The following GEMIN5 variants were observed in gnomAD, a reference collection of about 807,000 sequenced individuals.
GEMIN5 encodes gem nuclear organelle associated protein 5.
Under a neutral mutation model 176.9 loss-of-function variants are expected in GEMIN5, and 124 were observed. The ratio of observed to expected loss-of-function variants is 0.70; its 90% CI spans 0.61 to 0.81. GEMIN5 has a LOEUF of 0.81. Among genes scored for constraint, GEMIN5 ranks in the 40% least tolerant of loss-of-function variants. The pLI is 0.00. For missense variants in GEMIN5, 1,843 were observed against 1,814.6 expected (o/e 1.02, Z -0.28); for synonymous variants, 673 against 665.2 (o/e 1.01, Z -0.18).
Position 154,898,574 on chromosome 5 carries a change from C to T in GEMIN5, c.3211G>A (p.Ala1071Thr). 1 of 1,614,188 alleles carries T rather than the reference C, an allele frequency of 6.2e-7. No homozygotes were observed. Among genetic ancestry groups the T allele is most frequent in the Non-Finnish European group, 8.5e-7 (1 of 1,180,024 alleles). Residue 1071 changes from alanine (A) to threonine (T), a missense_variant, in exon 23 of 28, where the codon GCT becomes ACT. By Grantham distance (58) the Ala-to-Thr change is moderately conservative. Coordinates refer to ENST00000285873, the MANE Select transcript of GEMIN5 (RefSeq NM_015465.5). ...KKGDAASLRT[A>T]AELAAIVGED... The stretch of plus-strand genomic sequence containing the variant: ...CCTACGATGGCAGCCAACTCTGCAG[C>T]CGTTCTAAGTGATGCCGCATCCCCC...
chr5:154,898,329 GC>G (rs1388495932), intron 23 of GEMIN5, 110 bp downstream of exon 23: 4 of 904,018 alleles, frequency 4.4e-6, no homozygotes, highest in Admixed American at 3.7e-5. Flanking sequence ...GGCTTGCTGG[GC>G]CTGCCAAATT....
rs1582653090 is a variant in GEMIN5 at position 154,898,547 on chromosome 5, C to T, written c.3238G>A (p.Glu1080Lys). ...TAAELAAIVG[E>K]DELSASLALR... The stretch of plus-strand genomic sequence containing the variant: ...GCCAGGGAAGCAGACAACTCATCCT[C>T]TCCTACGATGGCAGCCAACTCTGCA... The change falls in exon 23 of 28, where the codon GAG becomes AAG. Residue 1080 changes from glutamate (E) to lysine (K), a missense_variant. Coordinates refer to ENST00000285873, the MANE Select transcript of GEMIN5 (RefSeq NM_015465.5). 3.7e-6 allele frequency: 6 copies of T among 1,614,170 alleles called. No homozygotes were observed. The highest frequency in any genetic ancestry group is 5.1e-6 in the Non-Finnish European group (6 of 1,179,990).
At chr5:154,903,961 A>G (rs1385633709) in intron 18 of GEMIN5, among the ~76,000 whole-genome samples, 1 of 152,062 alleles carries the variant, frequency 6.6e-6, no homozygotes, top group African/African-American at 2.4e-5. Context: ...TCCCTTTTCC[A>G]CATGTAAACT....
chr5:154,936,121 A>G (rs1764263514), intron 2 of GEMIN5, 99 bp from the exon 3 acceptor site: 6 of 763,266 alleles, frequency 7.9e-6, no homozygotes, highest in South Asian at 5.6e-5. Context: ...ATACACATTA[A>G]AAGTAATTAA....
At chr5:154,893,625 C>G (rs1272733002) in intron 24 of GEMIN5, among the ~76,000 whole-genome samples, 2 of 152,246 alleles carry the variant, frequency 1.3e-5, no homozygotes, top group African/African-American at 4.8e-5. Context: ...ACCCCACTGG[C>G]AACCACTGAA....
intron 27 of GEMIN5, 45 bp from the exon 28 acceptor site, chr5:154,888,422 A>AAT: frequency 6.4e-7 from 1 of 1,563,850 alleles, no homozygotes; most frequent in Non-Finnish European, 8.8e-7. Context: ...CATTTGCAGA[A>AAT]GAGCCACAAA....
intron 13 of GEMIN5, among the ~76,000 whole-genome samples, chr5:154,913,816 C>CAA (rs201344739): frequency 2.7e-5 from 4 of 148,880 alleles, no homozygotes; most frequent in Non-Finnish European, 6.0e-5. Context: ...GACCCTGTCT[C>CAA]AAAAAAAAAG....
At chr5:154,917,824 A>G in intron 12 of GEMIN5, 107 bp downstream of exon 12, 2 of 753,972 alleles carry the variant, frequency 2.7e-6, no homozygotes, top group Non-Finnish European at 4.7e-6. Context: ...TCAAAATACC[A>G]AATACAACTG....
chr5:154,926,336 G>T (rs1037951366), intron 7 of GEMIN5, among the ~76,000 whole-genome samples: 2 of 152,154 alleles, frequency 1.3e-5, no homozygotes, highest in Non-Finnish European at 2.9e-5. Flanking sequence ...CACGCCTCCT[G>T]TCTCCAAGTT....
At chr5:154,931,744 G>C in intron 4 of GEMIN5, 167 bp from the exon 5 acceptor site, 1 of 585,826 alleles carries the variant, frequency 1.7e-6, no homozygotes. Flanking sequence ...GCCTGGTGCA[G>C]TGGCTCACGC....
chr5:154,916,026 T>G (rs867743051), intron 13 of GEMIN5, among the ~76,000 whole-genome samples: 85 of 152,110 alleles, frequency 5.6e-4, no homozygotes, highest in African/African-American at 2.0e-3. Context: ...GCCCATATAA[T>G]GGAATGAACA....
At position 154,928,563 on chromosome 5, in the gene GEMIN5, C is replaced by T; in HGVS notation, c.878G>A (p.Ser293Asn). Reference protein sequence around the residue: ...ERLWLTLHWPSNQPTQLVSSC... With the variant: ...ERLWLTLHWPNNQPTQLVSSC... Reference sequence around the variant, plus strand: ...AGATACCAGCTGTGTTGGTTGATTGCTGGGCCAATGGAGTGTCAACCAAAG... The same window carrying T: ...AGATACCAGCTGTGTTGGTTGATTGTTGGGCCAATGGAGTGTCAACCAAAG... Residue 293 changes from serine to asparagine, a missense_variant, in exon 6 of 28, where the codon AGC (serine) becomes AAC (asparagine). Transcript: ENST00000285873. 1 of 1,614,062 alleles carries T rather than the reference C, an allele frequency of 6.2e-7. No homozygotes were observed. Among genetic ancestry groups the T allele is most frequent in the Non-Finnish European group, 8.5e-7 (1 of 1,179,904 alleles).
At chr5:154,926,199 A>G (rs979877872) in intron 7 of GEMIN5, 125 bp from the exon 8 acceptor site, 10 of 621,020 alleles carry the variant, frequency 1.6e-5, no homozygotes, top group Non-Finnish European at 2.9e-5. Flanking sequence ...TCCAGCAGGA[A>G]TTGAAGAAAG....
chr5:154,937,975 CG>C lies in GEMIN5; in HGVS notation c.158del (p.Pro53ArgfsTer5). The C allele has an allele frequency of 5.1e-6, 8 of 1,573,016 alleles. No individual in the cohort carries two copies. Among genetic ancestry groups the C allele is most frequent in the South Asian group, 1.1e-5 (1 of 87,656 alleles). ...CCAAGGGTGGTGAGTTACCTCGAAA[CG>C]GGGGTGTCCCTGGACTCTCGCCTGC... ...PGAGESPGTP[P>X]FRVIGELVGH... On this transcript the variant is annotated frameshift_variant, in exon 1 of 28. Coordinates refer to ENST00000285873, the MANE Select transcript of GEMIN5 (RefSeq NM_015465.5). LOFTEE classifies it high-confidence loss of function.
At chr5:154,909,628 T>C (rs1763651883) in intron 15 of GEMIN5, among the ~76,000 whole-genome samples, 1 of 152,150 alleles carries the variant, frequency 6.6e-6, no homozygotes, top group African/African-American at 2.4e-5. Context: ...TACCCCCTGC[T>C]TGAGCCCTAG....
chr5:154,912,591 GAGAGTA>G (rs925906977), intron 14 of GEMIN5, among the ~76,000 whole-genome samples: 10 of 152,198 alleles, frequency 6.6e-5, no homozygotes, highest in African/African-American at 2.4e-4. Flanking sequence ...CTGAACAGAA[GAGAGTA>G]CTTTGCATAT....
At chr5:154,936,860 C>T (rs1008159101) in intron 2 of GEMIN5, among the ~76,000 whole-genome samples, 165 bp downstream of exon 2, 3 of 152,172 alleles carry the variant, frequency 2.0e-5, no homozygotes, top group African/African-American at 7.2e-5. Context: ...GTATATATCT[C>T]CTTTCAAAAA....
Position 154,921,417 on chromosome 5 carries a change from T to C in GEMIN5, c.1388A>G (p.Gln463Arg). ...LYDTYSNKPP[Q>R]ISSTYHKKTV... Reference sequence around the variant, plus strand: ...CTTCTTATGATATGTGCTAGAAATCTGTGGAGGCCTTTAGAAGAGCAGGGA... The same window carrying C: ...CTTCTTATGATATGTGCTAGAAATCCGTGGAGGCCTTTAGAAGAGCAGGGA... The change falls in exon 10 of 28, where the codon CAG becomes CGG. Residue 463 changes from glutamine to arginine, a missense_variant. By Grantham distance (43) the Gln-to-Arg change is conservative (BLOSUM62 1). Coordinates refer to ENST00000285873, the MANE Select transcript of GEMIN5 (RefSeq NM_015465.5). 1 of 1,441,034 alleles carries C rather than the reference T, an allele frequency of 6.9e-7. No individual in the cohort carries two copies. Among genetic ancestry groups the C allele is most frequent in the Non-Finnish European group, 9.6e-7 (1 of 1,045,880 alleles). 89.3% of individuals were successfully genotyped at this position (1,441,034 alleles called of 1,614,324 possible).
intron 3 of GEMIN5, among the ~76,000 whole-genome samples, chr5:154,935,617 C>T (rs909918008): frequency 3.9e-5 from 6 of 151,918 alleles, no homozygotes; most frequent in Non-Finnish European, 8.8e-5. Context: ...GAGTTAGATC[C>T]GAAAAACGAA....
Sources: allele counts gnomAD v4.1 joint callset (sites outside exome capture counted in the v4.1 genomes callset), GRCh38; gene constraint gnomAD v4.1.1; transcripts MANE v1.5; gene names NCBI Gene and HGNC (gene_info 2026-07-23, HGNC 2026-07-21).